The following HAL variants were observed in gnomAD, a reference collection of about 807,000 sequenced individuals.
The protein encoded by HAL is histidine ammonia-lyase, also known as histidase.
In HAL, 85 loss-of-function variants were observed where a neutral mutation model predicts 81.1. That is an observed-to-expected ratio of 1.05 (90% confidence interval 0.88 to 1.25). The LOEUF (loss-of-function observed/expected upper bound fraction) is 1.25. HAL is among the 50% of genes most tolerant of loss of function. The probability of loss-of-function intolerance (pLI) is 0.00; values close to 1 mark genes in which losing one functional copy is unlikely to be tolerated. For synonymous variants in HAL, 301 were observed against 309.2 expected, an observed-to-expected ratio of 0.97 and a Z score of 0.28; for missense variants, 798 against 836.6, an observed-to-expected ratio of 0.95 and a Z score of 0.57.
intron 8 of HAL, among the ~76,000 whole-genome samples, chr12:95,993,199 C>T: frequency 6.6e-6 from 1 of 152,178 alleles, no homozygotes; most frequent in South Asian, 2.1e-4. Flanking sequence ...TTATTTCCTT[C>T]CCTGAATGCA....
chr12:95,993,982 T>C lies in HAL; in HGVS notation c.428A>G (p.Glu143Gly), dbSNP rs1181582661. ...RYKIKLTPTA[E>G]KRVQKSREVI... ...CTCCCTGGATTTCTGCACCCTCTTC[T>C]CAGCTGTTGGGGTGAGCTAGGAAAA... Residue 143 changes from glutamate (E) to glycine (G), a missense_variant, in exon 6 of 21, where the codon GAG (glutamate) becomes GGG (glycine). Glu to Gly is a moderately conservative substitution (Grantham distance 98). Coordinates refer to ENST00000261208, the MANE Select transcript of HAL (RefSeq NM_002108.4). The C allele has an allele frequency of 1.2e-6, 2 of 1,612,078 alleles. No homozygotes were observed.
At position 95,992,788 on chromosome 12, in the gene HAL, T is replaced by A; in HGVS notation, c.607A>T (p.Ser203Cys). Residue 203 changes from serine (S) to cysteine (C), a missense_variant, in exon 9 of 21, where the codon AGT becomes TGT. Coordinates refer to ENST00000261208, the MANE Select transcript of HAL (RefSeq NM_002108.4). ...AAGAGCATCCGACACCTCTCAGGACTTAGTGGTTTCCCAACACCTGCAAAA... is the reference window on the plus strand; with the variant it reads ...AAGAGCATCCGACACCTCTCAGGACATAGTGGTTTCCCAACACCTGCAAAA... ...SHSSGVGKPLSPERCRMLLAL... is the reference protein window; with the variant it reads ...SHSSGVGKPLCPERCRMLLAL... The A allele has an allele frequency of 1.2e-6, 2 of 1,613,300 alleles. No homozygotes were observed. Among genetic ancestry groups the A allele is most frequent in the Non-Finnish European group, 8.5e-7 (1 of 1,179,254 alleles).
chr12:95,995,307 G>C (rs1282907533), intron 2 of HAL: 3 of 563,256 alleles, frequency 5.3e-6, no homozygotes, highest in Non-Finnish European at 6.3e-6. Flanking sequence ...GTCTGGGGGT[G>C]GGGGTGGATT....
chr12:95,995,832 G>T lies in HAL; in HGVS notation c.79C>A (p.Leu27Met). The T allele has an allele frequency of 1.2e-6, 2 of 1,611,622 alleles. No individual in the cohort carries two copies. The highest frequency in any genetic ancestry group is 8.5e-7 in the Non-Finnish European group (1 of 1,179,978). Residue 27 changes from leucine (L) to methionine (M), a missense_variant, in exon 2 of 21, where the codon CTG becomes ATG. Coordinates refer to ENST00000261208, the MANE Select transcript of HAL (RefSeq NM_002108.4). ...TAGCGCCTCACGGCCTCCCGGCCCA[G>T]CCAGCCCACAGTGAGCTGCGCGTCC... is the stretch of plus-strand genomic sequence containing the variant. ...CQDAQLTVGW[L>M]GREAVRRYIK...
At chr12:95,979,217 C>A (rs973773408) in intron 17 of HAL, among the ~76,000 whole-genome samples, 3 of 152,206 alleles carry the variant, frequency 2.0e-5, no homozygotes, top group East Asian at 3.8e-4. Flanking sequence ...ACTACTCCCC[C>A]ACTACTACGT....
At chr12:95,988,448 T>C (rs1272706175) in intron 10 of HAL, among the ~76,000 whole-genome samples, 1 of 148,530 alleles carries the variant, frequency 6.7e-6, no homozygotes, top group Non-Finnish European at 1.5e-5. Context: ...TTTCAATTAA[T>C]TTTTGTACTG....
chr12:95,990,267 T>C, intron 10 of HAL, 126 bp downstream of exon 10: 1 of 815,000 alleles, frequency 1.2e-6, no homozygotes, highest in South Asian at 1.4e-5. Context: ...GTCTCATCTG[T>C]AAAGTAAGGA....
At chr12:95,994,203 T>G (rs1350097131) in intron 4 of HAL, 39 bp from the exon 5 acceptor site, 1 of 1,399,706 alleles carries the variant, frequency 7.1e-7, no homozygotes, top group Non-Finnish European at 1.0e-6. Context: ...TCTGAACAGC[T>G]TGATTATTCT....
At chr12:95,980,985 G>A in intron 15 of HAL, 122 bp from the exon 16 acceptor site, 1 of 753,458 alleles carries the variant, frequency 1.3e-6, no homozygotes, top group East Asian at 2.6e-5. Flanking sequence ...TGGAGGGAAA[G>A]AGACAAGTCT....
At chr12:95,987,526 T>C (rs1013782063) in intron 11 of HAL, among the ~76,000 whole-genome samples, 1 of 152,152 alleles carries the variant, frequency 6.6e-6, no homozygotes, top group Non-Finnish European at 1.5e-5. Flanking sequence ...AGGTTGCATT[T>C]CTTCCTTAAA....
At chr12:95,985,299 TAA>T (rs1949867859) in intron 14 of HAL, among the ~76,000 whole-genome samples, 1 of 152,110 alleles carries the variant, frequency 6.6e-6, no homozygotes, top group African/African-American at 2.4e-5. Context: ...TGAATCAACA[TAA>T]GAGGTTGTCT....
At chr12:95,988,158 T>C in intron 11 of HAL, 35 bp downstream of exon 11, 1 of 1,001,974 alleles carries the variant, frequency 1.0e-6, no homozygotes, top group Non-Finnish European at 1.6e-6. Flanking sequence ...TAAAAACTCA[T>C]GCACTATGAA....
intron 17 of HAL, among the ~76,000 whole-genome samples, chr12:95,979,224 A>T (rs2080762437): frequency 6.6e-6 from 1 of 152,076 alleles, no homozygotes; most frequent in African/African-American, 2.4e-5. Flanking sequence ...CCCCACTACT[A>T]CGTTATTGTG....
rs2080747065 is a variant in HAL, at chr12:95,978,174, C to T, written c.1520-96G>A. The T allele has an allele frequency of 4.4e-6, 4 of 908,414 alleles. No individual in the cohort carries two copies. In the Admixed American group the frequency reaches 7.6e-5, roughly 17 times the overall value. The allele number at this position is 908,414 out of a possible 1,614,324, so 56.3% of individuals were successfully genotyped here. A position where few individuals can be genotyped will look rare whatever the true frequency, so the allele number is the denominator to read the frequency against. ...ACAGAGTGCTCCACAGCATGGGATA[C>T]ACTCTCCAGAAGATCTTGGACATTA... On this transcript the variant is annotated intron_variant, in intron 17 of 20. Coordinates refer to ENST00000261208, the MANE Select transcript of HAL (RefSeq NM_002108.4).
Position 95,993,946 on chromosome 12 carries a change from C to G in HAL, c.464G>C (p.Ser155Thr), listed in dbSNP as rs1485237801. The G allele has an allele frequency of 6.2e-7, 1 of 1,603,528 alleles. No individual in the cohort carries two copies. Among genetic ancestry groups the G allele is most frequent in the Admixed American group, 1.7e-5 (1 of 60,002 alleles). ...GATACCTGTTTTCTCTTTTATGATGCTATCTATGACCTCCCTGGATTTCTG... is the reference window on the plus strand; with the variant it reads ...GATACCTGTTTTCTCTTTTATGATGGTATCTATGACCTCCCTGGATTTCTG... ...RVQKSREVID[S>T]IIKEKTVVYG... Residue 155 changes from serine to threonine, a missense_variant, in exon 6 of 21, where the codon AGC (serine) becomes ACC (threonine). Physicochemically the swap from Ser to Thr is moderately conservative, Grantham distance 58 (BLOSUM62 1). Coordinates refer to ENST00000261208, the MANE Select transcript of HAL (RefSeq NM_002108.4).
At chr12:95,978,201 C>T in intron 17 of HAL, 123 bp from the exon 18 acceptor site, 2 of 784,842 alleles carry the variant, frequency 2.5e-6, no homozygotes, top group Non-Finnish European at 4.4e-6. Flanking sequence ...TGGACATTAT[C>T]CAAGCACCTG....
intron 10 of HAL, among the ~76,000 whole-genome samples, chr12:95,988,687 C>T (rs1949927986): frequency 6.6e-6 from 1 of 152,158 alleles, no homozygotes; most frequent in East Asian, 1.9e-4. Flanking sequence ...ATTAGTGCTT[C>T]ATTTAAATAC....
At chr12:95,994,035 A>T (rs748696270) in intron 5 of HAL, 37 bp from the exon 6 acceptor site, 13 of 1,596,336 alleles carry the variant, frequency 8.1e-6, no homozygotes, top group Middle Eastern at 1.7e-4. Context: ...CACGTTAAAG[A>T]CTTCCACGGG....
intron 17 of HAL, among the ~76,000 whole-genome samples, 179 bp downstream of exon 17, chr12:95,980,377 A>T (rs1592839214): frequency 2.6e-5 from 4 of 152,176 alleles, no homozygotes; most frequent in South Asian, 4.1e-4. Flanking sequence ...TTTTTAAACT[A>T]TTTTTTTCTG....
Sources: allele counts gnomAD v4.1 joint callset (sites outside exome capture counted in the v4.1 genomes callset), GRCh38; gene constraint gnomAD v4.1.1; transcripts MANE v1.5; gene names NCBI Gene and HGNC (gene_info 2026-07-23, HGNC 2026-07-21).